ANO10: variants seen among roughly 807,000 people sequenced by gnomAD.
The protein encoded by ANO10 is anoctamin-10.
Under a neutral mutation model 74.7 loss-of-function variants are expected in ANO10, and 77 were observed. The observed-to-expected ratio is 1.03, with a 90% CI of 0.86 to 1.25. The LOEUF (loss-of-function observed/expected upper bound fraction) is 1.25, where lower values mean the gene tolerates loss of function less well. Among genes scored for constraint, ANO10 ranks in the 50% most tolerant of loss-of-function variants. The pLI is 0.00. For synonymous variants in ANO10, 279 were observed against 284.9 expected, an observed-to-expected ratio of 0.98 and a Z score of 0.21; for missense variants, 721 against 778.1, an observed-to-expected ratio of 0.93 and a Z score of 0.87.
chr3:43,456,405 A>G (rs2075129310), intron 11 of ANO10, among the ~76,000 whole-genome samples: 1 of 152,246 alleles, frequency 6.6e-6, no homozygotes, highest in South Asian at 2.1e-4. Flanking sequence ...GCTCTTGCAC[A>G]CATCCACAAA....
chr3:43,424,262 A>G (rs950382145), intron 12 of ANO10, among the ~76,000 whole-genome samples: 4 of 152,246 alleles, frequency 2.6e-5, no homozygotes, highest in Admixed American at 2.6e-4. Context: ...AACCAACTCC[A>G]TCTTGCTTCC....
chr3:43,540,454 T>A (rs1269059284), intron 11 of ANO10, among the ~76,000 whole-genome samples: 1 of 152,268 alleles, frequency 6.6e-6, no homozygotes, highest in Non-Finnish European at 1.5e-5. Flanking sequence ...TAATCTTTTA[T>A]AATTGTCTCA....
chr3:43,690,745 C>G, intron 1 of ANO10: 1 of 426,808 alleles, frequency 2.3e-6, no homozygotes, highest in Non-Finnish European at 4.1e-6. Context: ...CTGACTGTCC[C>G]GCCCCGCGCT....
At chr3:43,614,555 T>C (rs2082989280) in intron 1 of ANO10, among the ~76,000 whole-genome samples, 1 of 151,918 alleles carries the variant, frequency 6.6e-6, no homozygotes. Flanking sequence ...TTTTCCCTTT[T>C]CAAATCAGCT....
At chr3:43,446,288 C>T (rs1032386419) in intron 11 of ANO10, among the ~76,000 whole-genome samples, 2 of 152,152 alleles carry the variant, frequency 1.3e-5, no homozygotes, top group Non-Finnish European at 2.9e-5. Context: ...TCAGGTTTTG[C>T]TTTAATGTAA....
intron 1 of ANO10, among the ~76,000 whole-genome samples, chr3:43,662,214 C>A (rs1007113999): frequency 3.9e-4 from 59 of 152,190 alleles, no homozygotes; most frequent in African/African-American, 1.4e-3. Flanking sequence ...GTCTCTCAGA[C>A]CACAGTTCAA....
At chr3:43,649,818 C>T (rs1191536087) in intron 1 of ANO10, among the ~76,000 whole-genome samples, 1 of 152,182 alleles carries the variant, frequency 6.6e-6, no homozygotes, top group African/African-American at 2.4e-5. Context: ...AGGGGTGTGG[C>T]TTGTCTGTTC....
At chr3:43,376,295 T>C (rs1474232415) in intron 12 of ANO10, among the ~76,000 whole-genome samples, 1 of 152,264 alleles carries the variant, frequency 6.6e-6, no homozygotes, top group Non-Finnish European at 1.5e-5. Flanking sequence ...CTGAATTGAA[T>C]GGACGGTTTT....
chr3:43,643,037 T>TC (rs2083686651), intron 1 of ANO10, among the ~76,000 whole-genome samples: 1 of 130,928 alleles, frequency 7.6e-6, no homozygotes, highest in African/African-American at 3.6e-5. Flanking sequence ...TTCTTTTTTC[T>TC]TTTTTTTTTT....
In ANO10 at chr3:43,629,835, A is replaced by T. The variant is rs144903298; in HGVS notation, c.-11-23972T>A. ...TGCCTTTTGGAAATCTGAGTCAGTAAATAGGCCTCTGACATTCAGGAGAGA... is the reference window on the plus strand; with the variant it reads ...TGCCTTTTGGAAATCTGAGTCAGTATATAGGCCTCTGACATTCAGGAGAGA... On this transcript the variant is annotated intron_variant, in intron 1 of 3. Transcript: ENST00000413397. Among the ~76,000 whole-genome samples, 14 of 152,322 alleles carry T rather than the reference A, an allele frequency of 9.2e-5. No homozygotes were observed. The East Asian group carries it at 2.3e-3, about 25-fold the overall frequency.
intron 1 of ANO10, among the ~76,000 whole-genome samples, chr3:43,617,791 G>C (rs1413440397): frequency 6.6e-6 from 1 of 152,138 alleles, no homozygotes; most frequent in Non-Finnish European, 1.5e-5. Flanking sequence ...GCATAACACT[G>C]TCTTCAGGAA....
intron 2 of ANO10, among the ~76,000 whole-genome samples, chr3:43,600,890 G>A (rs951401361): frequency 1.3e-5 from 2 of 151,878 alleles, no homozygotes; most frequent in Non-Finnish European, 2.9e-5. Flanking sequence ...TAAAAATATA[G>A]AACAAAGATT....
At chr3:43,409,405 G>A (rs906972107) in intron 12 of ANO10, among the ~76,000 whole-genome samples, 5 of 151,952 alleles carry the variant, frequency 3.3e-5, no homozygotes, top group South Asian at 2.1e-4. Flanking sequence ...AAAATTAGTC[G>A]GGCATGGCAT....
At chr3:43,533,402 T>TA (rs1281496048) in intron 11 of ANO10, among the ~76,000 whole-genome samples, 2 of 152,130 alleles carry the variant, frequency 1.3e-5, no homozygotes, top group African/African-American at 2.4e-5. Context: ...TGCAGCTTAT[T>TA]AAAAAAACAC....
chr3:43,689,200 A>G (rs1414339614), intron 1 of ANO10: 1 of 152,236 alleles, frequency 6.6e-6, no homozygotes, highest in Non-Finnish European at 1.5e-5. Flanking sequence ...TCACAATTCA[A>G]CATGAGATTT....
chr3:43,425,200 CTTTTTTTTT>C (rs74270681), intron 12 of ANO10, among the ~76,000 whole-genome samples: 24 of 131,078 alleles, frequency 1.8e-4, no homozygotes, highest in Non-Finnish European at 1.1e-4. Context: ...TTTACTGTAA[CTTTTTTTTT>C]TTTTTTTTTT....
intron 7 of ANO10, among the ~76,000 whole-genome samples, chr3:43,567,338 CAA>C (rs1472384454): frequency 1.3e-5 from 2 of 151,796 alleles, no homozygotes; most frequent in South Asian, 4.2e-4. Context: ...GAGAACGCCA[CAA>C]AGATACTCCT....
At chr3:43,558,960 C>A (rs895917267) in intron 9 of ANO10, among the ~76,000 whole-genome samples, 1 of 152,090 alleles carries the variant, frequency 6.6e-6, no homozygotes, top group African/African-American at 2.4e-5. Flanking sequence ...AGACCCAGAG[C>A]CTGAGAGAGA....
intron 1 of ANO10, among the ~76,000 whole-genome samples, chr3:43,674,152 T>G (rs1406551691): frequency 6.6e-6 from 1 of 152,150 alleles, no homozygotes; most frequent in East Asian, 1.9e-4. Flanking sequence ...CACCCATGAA[T>G]TTTTAATCAT....
Sources: gnomAD v4.1 joint callset for allele counts (sites outside exome capture counted in the v4.1 genomes callset) on GRCh38, gnomAD v4.1.1 for gene constraint, MANE v1.5 for transcripts, NCBI Gene and HGNC (gene_info 2026-07-23, HGNC 2026-07-21) for gene names.